Variants in FLNB observed in about 807,000 individuals in gnomAD.
FLNB encodes the protein filamin-B.
Under a neutral mutation model 250.6 loss-of-function variants are expected in FLNB, and 111 were observed. The ratio of observed to expected loss-of-function variants is 0.44; its 90% CI spans 0.38 to 0.52. The LOEUF (loss-of-function observed/expected upper bound fraction) is 0.52, where lower values mean the gene tolerates loss of function less well. Ranked by LOEUF, FLNB falls within the 20% of genes least tolerant of loss-of-function variation. The probability of loss-of-function intolerance (pLI) is 0.00; values close to 1 mark genes in which losing one functional copy is unlikely to be tolerated. For missense variants in FLNB, 2,869 were observed against 3,447.8 expected (o/e 0.83, Z 4.20); for synonymous variants, 1,302 against 1,372.1 (o/e 0.95, Z 1.13).
intron 29 of FLNB, among the ~76,000 whole-genome samples, chr3:58,139,738 A>G (rs2097323380): frequency 1.3e-5 from 2 of 152,186 alleles, no homozygotes; most frequent in African/African-American, 4.8e-5. Context: ...TACCAGTTGT[A>G]GTTTTCAGAA....
At position 58,106,697 on chromosome 3, in the gene FLNB, C is replaced by A; in HGVS notation, c.1765C>A (p.Pro589Thr). Residue 589 changes from proline to threonine, a missense_variant, in exon 12 of 46, where the codon CCC becomes ACC. By Grantham distance (38) the Pro-to-Thr change is conservative (BLOSUM62 -1). This residue lies in a region of FLNB where 1,348 missense variants were observed against 1,466.7 expected (regional missense o/e 0.92). Coordinates refer to ENST00000295956, the MANE Select transcript of FLNB (RefSeq NM_001457.4). ...CCCCCTAGGGTTTGCCATTGAAGGCCCCTCTCAGGCAAAGATTGAGTACAA... is the reference window on the plus strand; with the variant it reads ...CCCCCTAGGGTTTGCCATTGAAGGCACCTCTCAGGCAAAGATTGAGTACAA... ...VGSLGFAIEG[P>T]SQAKIEYNDQ... 1 of 1,614,100 alleles carries A rather than the reference C, an allele frequency of 6.2e-7. No individual in the cohort carries two copies. The highest frequency in any genetic ancestry group is 1.1e-5 in the South Asian group (1 of 91,080).
In FLNB at chr3:58,008,837, C is replaced by A; in HGVS notation, c.273C>A (p.Ser91Arg). The change falls in exon 1 of 46, where the codon AGC becomes AGA. Residue 91 changes from serine to arginine, a missense_variant. Physicochemically the swap from Ser to Arg is moderately radical, Grantham distance 110. Around this residue, in one of 5 missense-constraint regions of FLNB, gnomAD observed 308 missense variants for 466.1 expected, o/e 0.66. Coordinates refer to ENST00000295956, the MANE Select transcript of FLNB (RefSeq NM_001457.4). ...SVALEFLDRE[S>R]IKLVSIDSKA... ...CGCTCGAGTTCCTGGACCGTGAGAG[C>A]ATCAAGCTCGTGTCCATCGGTGAGT... The A allele has an allele frequency of 6.2e-7, 1 of 1,613,844 alleles. No homozygotes were observed. The highest frequency in any genetic ancestry group is 8.5e-7 in the Non-Finnish European group (1 of 1,180,018).
intron 39 of FLNB, 113 bp from the exon 40 acceptor site, chr3:58,154,678 G>C (rs2097350646): frequency 8.6e-7 from 1 of 1,166,982 alleles, no homozygotes; most frequent in African/African-American, 1.5e-5. Context: ...GTTGGAGAAA[G>C]AGGAAAGGGC....
At chr3:58,103,293 TGC>T (rs1491486150) in intron 9 of FLNB, among the ~76,000 whole-genome samples, 1 of 138,474 alleles carries the variant, frequency 7.2e-6, no homozygotes, top group Non-Finnish European at 1.5e-5. Flanking sequence ...TGTGTGTGTG[TGC>T]ACGCGCGTGC....
At chr3:58,049,250 G>A (rs1022198514) in intron 1 of FLNB, among the ~76,000 whole-genome samples, 8 of 152,110 alleles carry the variant, frequency 5.3e-5, no homozygotes, top group Non-Finnish European at 8.8e-5. Context: ...ACGTCCCACC[G>A]CCTTCTCGGG....
chr3:58,081,871 A>G (rs2097209663), intron 4 of FLNB, 95 bp downstream of exon 4: 6 of 1,365,690 alleles, frequency 4.4e-6, no homozygotes, highest in East Asian at 2.3e-5. Context: ...AGAATCAAAA[A>G]TAGATAGGTG....
At chr3:58,153,671 G>T in intron 39 of FLNB, 30 bp downstream of exon 39, 1 of 1,613,148 alleles carries the variant, frequency 6.2e-7, no homozygotes, top group South Asian at 1.1e-5. Flanking sequence ...TTTTCACTTG[G>T]GAAGAATAGA....
intron 2 of FLNB, chr3:58,078,313 G>GC: frequency 6.9e-7 from 1 of 1,442,472 alleles, no homozygotes; most frequent in African/African-American, 1.4e-5. Flanking sequence ...CTAGGTTTGT[G>GC]CCTTTGAGCA....
chr3:58,099,615 G>A (rs1473032913), intron 8 of FLNB, among the ~76,000 whole-genome samples: 2 of 151,820 alleles, frequency 1.3e-5, no homozygotes, highest in African/African-American at 4.8e-5. Flanking sequence ...TCCCTGTTCT[G>A]TCCTCTGAAT....
At chr3:58,013,324 A>G (rs2097101567) in intron 1 of FLNB, among the ~76,000 whole-genome samples, 1 of 152,212 alleles carries the variant, frequency 6.6e-6, no homozygotes, top group Non-Finnish European at 1.5e-5. Flanking sequence ...CCAGCGCCAG[A>G]GCAGGCAGGG....
chr3:58,037,365 G>A (rs963095975), intron 1 of FLNB, among the ~76,000 whole-genome samples: 4 of 152,144 alleles, frequency 2.6e-5, no homozygotes, highest in East Asian at 1.9e-4. Context: ...ACGCCTGGCC[G>A]ACATCAGAGT....
intron 32 of FLNB, 96 bp downstream of exon 32, chr3:58,143,709 C>A: frequency 6.7e-7 from 1 of 1,484,358 alleles, no homozygotes; most frequent in Non-Finnish European, 9.3e-7. Context: ...GAGCAGCTCT[C>A]GGCAGCAGGC....
chr3:58,154,967 T>C lies in FLNB; in HGVS notation c.6772+39T>C, dbSNP rs781698969. On this transcript the variant is annotated intron_variant, in intron 40 of 45. Transcript: ENST00000295956. ...GTTCACAAGAGGACATTTTCCTTGT[T>C]TGAACATGATTAGGTTGCAAGGAAC... is the stretch of plus-strand genomic sequence containing the variant. The C allele has an allele frequency of 2.5e-6, 4 of 1,602,642 alleles. No individual in the cohort carries two copies. In the South Asian group the frequency reaches 4.4e-5, roughly 18 times the overall value.
chr3:58,084,040 A>T (rs928356947), intron 4 of FLNB, among the ~76,000 whole-genome samples: 1 of 151,902 alleles, frequency 6.6e-6, no homozygotes, highest in African/African-American at 2.4e-5. Flanking sequence ...AAAAATACAA[A>T]AATTAGCTTG....
At chr3:58,063,032 C>T (rs748785598) in intron 1 of FLNB, among the ~76,000 whole-genome samples, 2 of 152,140 alleles carry the variant, frequency 1.3e-5, no homozygotes, top group African/African-American at 2.4e-5. Context: ...CCTGATGAGG[C>T]GAGGGAGTTA....
In FLNB at chr3:58,146,001, G is replaced by A. The variant is rs199964133; in HGVS notation, c.5506G>A (p.Ala1836Thr). ...AYGPGLVYGV[A>T]NKTATFTIVT... ...CGGTCCAGGCCTCGTGTATGGAGTG[G>A]CCAACAAAACTGCCACCTTCACCAT... The change falls in exon 33 of 46, where the codon GCC (alanine) becomes ACC (threonine). Residue 1836 changes from alanine (A) to threonine (T), a missense_variant. Around this residue, in one of 5 missense-constraint regions of FLNB, gnomAD observed 1,084 missense variants for 1,315.5 expected, o/e 0.82. Coordinates refer to ENST00000295956, the MANE Select transcript of FLNB (RefSeq NM_001457.4). 36 of 1,614,062 alleles carry A rather than the reference G, an allele frequency of 2.2e-5. No homozygotes were observed. In the African/African-American group the frequency reaches 4.7e-4, roughly 21 times the overall value.
chr3:58,029,073 C>A (rs1297922687), intron 1 of FLNB, among the ~76,000 whole-genome samples: 1 of 146,902 alleles, frequency 6.8e-6, no homozygotes, highest in African/African-American at 2.4e-5. Context: ...CAGAGTGAGA[C>A]CTTGTCTCTT....
At chr3:58,086,617 C>T (rs562694687) in intron 4 of FLNB, among the ~76,000 whole-genome samples, 46 of 152,052 alleles carry the variant, frequency 3.0e-4, no homozygotes, top group Non-Finnish European at 5.1e-4. Flanking sequence ...TAACAGTCTA[C>T]GGCCATTTTT....
intron 1 of FLNB, among the ~76,000 whole-genome samples, chr3:58,067,002 A>T (rs2097186504): frequency 6.6e-6 from 1 of 152,204 alleles, no homozygotes; most frequent in African/African-American, 2.4e-5. Context: ...GGTTATGCAT[A>T]AGGAATGTGT....
Sources: allele counts gnomAD v4.1 joint callset (sites outside exome capture counted in the v4.1 genomes callset), GRCh38; gene constraint gnomAD v4.1.1; regional missense constraint gnomAD v4.1.1; transcripts MANE v1.5; gene names NCBI Gene and HGNC (gene_info 2026-07-23, HGNC 2026-07-21).